Variants in KMT2A observed in about 807,000 individuals in gnomAD.
KMT2A encodes the protein histone-lysine N-methyltransferase 2A.
In KMT2A, 16 loss-of-function variants were observed where a neutral mutation model predicts 345.3. The ratio of observed to expected loss-of-function variants is 0.05; its 90% confidence interval spans 0.03 to 0.07. The LOEUF is 0.07. KMT2A is among the 10% of genes least tolerant of loss of function. The pLI is 1.00. For missense variants in KMT2A, 3,272 were observed against 4,841.6 expected, an observed-to-expected ratio of 0.68 and a Z score of 9.62; for synonymous variants, 1,599 against 1,778.6, an observed-to-expected ratio of 0.90 and a Z score of 2.54.
chr11:118,485,076 T>C, intron 10 of KMT2A, 101 bp downstream of exon 10: 1 of 755,714 alleles, frequency 1.3e-6, no homozygotes, highest in Non-Finnish European at 2.3e-6. Flanking sequence ...CAGGTACTAT[T>C]CCCTGTTTAA....
chr11:118,475,380 T>A (rs1045459917), intron 3 of KMT2A, among the ~76,000 whole-genome samples: 5 of 152,236 alleles, frequency 3.3e-5, no homozygotes, highest in Non-Finnish European at 7.3e-5. Context: ...GATGCCTATT[T>A]ATGGCAGCAA....
intron 1 of KMT2A, among the ~76,000 whole-genome samples, chr11:118,442,439 T>C (rs1555026085): frequency 1.3e-5 from 2 of 152,236 alleles, no homozygotes; most frequent in African/African-American, 4.8e-5. Context: ...CAGAGTTCAC[T>C]GTTACAAAGT....
At chr11:118,456,495 C>A (rs899561639) in intron 1 of KMT2A, among the ~76,000 whole-genome samples, 1 of 152,006 alleles carries the variant, frequency 6.6e-6, no homozygotes, top group East Asian at 1.9e-4. Context: ...CCTGCCACCA[C>A]GCCCAGCTAA....
At chr11:118,464,114 T>A (rs1170964956) in intron 1 of KMT2A, among the ~76,000 whole-genome samples, 1 of 152,222 alleles carries the variant, frequency 6.6e-6, no homozygotes, top group Non-Finnish European at 1.5e-5. Flanking sequence ...AGTAGCAGAC[T>A]GTCCAGTTTG....
chr11:118,521,749 G>A lies in KMT2A; in HGVS notation c.11644-148G>A, dbSNP rs1950975316. 9 of 819,480 alleles carry A rather than the reference G, an allele frequency of 1.1e-5. No homozygotes were observed. The highest frequency in any genetic ancestry group is 3.5e-5 in the African/African-American group (2 of 57,928). 50.8% of individuals were successfully genotyped at this position (819,480 alleles called of 1,614,324 possible). ...TAGGAAATCCTCGTGGAAGCATCTT[G>A]AAAGATAGTACTGGGAGAAATCTGG... On this transcript the variant is annotated intron_variant, in intron 35 of 35. Transcript: ENST00000534358. The surrounding 1 kb of genome is among the most constrained non-coding windows in gnomAD (Gnocchi z 5.3).
Position 118,522,210 on chromosome 11 carries a change from C to G in KMT2A, c.*38C>G. On this transcript the variant is annotated 3_prime_UTR_variant, in exon 36 of 36. Coordinates refer to ENST00000534358, the MANE Select transcript of KMT2A (RefSeq NM_001197104.2). This position sits in a 1 kb window ranked among gnomAD's most constrained non-coding sequence, Gnocchi z 5.4. ...CCCCCAGTGTTGGAGTGCAAGGAGG[C>G]GGGGCCATCCAAAGCAACGCTGAAG... 1.9e-6 allele frequency: 3 copies of G among 1,602,062 alleles called. No homozygotes were observed. Among genetic ancestry groups the G allele is most frequent in the Non-Finnish European group, 2.6e-6 (3 of 1,171,460 alleles).
intron 4 of KMT2A, among the ~76,000 whole-genome samples, chr11:118,477,482 A>C (rs1950057711): frequency 7.1e-6 from 1 of 141,796 alleles, no homozygotes. Flanking sequence ...GCTTTCATCA[A>C]GATGCAAGTT....
At position 118,494,678 on chromosome 11, in the gene KMT2A, TTG is replaced by T. The variant is rs1555043440; in HGVS notation, c.5290-12_5290-11del. ...GAGTGTTTACATATTTACATTTTGTTTGTGTTTTCTTTTAGCAAATGGAACGT... is the reference window on the plus strand; with the variant it reads ...GAGTGTTTACATATTTACATTTTGTTTGTTTTCTTTTAGCAAATGGAACGT... On this transcript the variant is annotated splice_polypyrimidine_tract_variant and intron_variant, in intron 17 of 35. Coordinates refer to ENST00000534358, the MANE Select transcript of KMT2A (RefSeq NM_001197104.2). The surrounding 1 kb of genome is among the most constrained non-coding windows in gnomAD (Gnocchi z 5.8). 1 of 1,610,760 alleles carries T rather than the reference TTG, an allele frequency of 6.2e-7. No individual in the cohort carries two copies. Among genetic ancestry groups the T allele is most frequent in the Non-Finnish European group, 8.5e-7 (1 of 1,177,418 alleles).
intron 1 of KMT2A, among the ~76,000 whole-genome samples, chr11:118,468,246 G>A (rs1194924242): frequency 6.6e-6 from 1 of 152,118 alleles, no homozygotes; most frequent in Non-Finnish European, 1.5e-5. Context: ...GATCTCAAAT[G>A]TACAGAAATC....
chr11:118,452,932 G>A (rs1949570470), intron 1 of KMT2A, among the ~76,000 whole-genome samples: 2 of 152,064 alleles, frequency 1.3e-5, no homozygotes, highest in Non-Finnish European at 2.9e-5. Flanking sequence ...GTGCCTGGCG[G>A]AAGTGCCCCC....
rs1950673028 is a variant in KMT2A at position 118,510,846 on chromosome 11, TAGA to T, written c.11071+732_11071+734del. Reference sequence around the variant, plus strand: ...GTTATCAAAAACCCATGAAGATAAATAGAAGATTCTATTAAAGGAGAAAATGGA... The same window carrying T: ...GTTATCAAAAACCCATGAAGATAAATAGATTCTATTAAAGGAGAAAATGGA... On this transcript the variant is annotated intron_variant, in intron 30 of 35. Transcript: ENST00000534358. The surrounding 1 kb of genome is among the most constrained non-coding windows in gnomAD (Gnocchi z 4.1). Among the ~76,000 whole-genome samples the T allele has an allele frequency of 6.6e-6, 1 of 152,086 alleles. No homozygotes were observed. The highest frequency in any genetic ancestry group is 6.5e-5 in the Admixed American group (1 of 15,272).
chr11:118,456,583 C>G (rs1949648520), intron 1 of KMT2A, among the ~76,000 whole-genome samples: 1 of 152,070 alleles, frequency 6.6e-6, no homozygotes, highest in East Asian at 1.9e-4. Flanking sequence ...CATGATTCGC[C>G]CACCTTGGCC....
At chr11:118,479,415 C>A (rs193076362) in intron 5 of KMT2A, among the ~76,000 whole-genome samples, 34 of 152,202 alleles carry the variant, frequency 2.2e-4, no homozygotes, top group African/African-American at 8.2e-4. Context: ...TAATAGGTGT[C>A]AATAGATATT....
Position 118,525,054 on chromosome 11 carries a change from A to G in KMT2A, c.*2882A>G, listed in dbSNP as rs1044819259. The stretch of plus-strand genomic sequence containing the variant: ...TTGCCAAATTTTCAGCACACCTGCC[A>G]GCAACTTGGGGGAATAAGCGAAGGT... On this transcript the variant is annotated 3_prime_UTR_variant, in exon 36 of 36. Transcript: ENST00000534358. 3.3e-5 allele frequency: 7 copies of G among 215,062 alleles called. No individual in the cohort carries two copies. The highest frequency in any genetic ancestry group is 5.6e-5 in the Non-Finnish European group (6 of 106,300). The allele number at this position is 215,062 out of a possible 1,614,324, so 13.3% of individuals were successfully genotyped here.
At chr11:118,477,547 G>A (rs1950061485) in intron 4 of KMT2A, among the ~76,000 whole-genome samples, 1 of 96,024 alleles carries the variant, frequency 1.0e-5, no homozygotes, top group Non-Finnish European at 1.8e-5. Context: ...TCATTGTGTT[G>A]CCCAAGCTGG....
intron 31 of KMT2A, among the ~76,000 whole-genome samples, chr11:118,519,145 G>A (rs1950900727): frequency 6.9e-6 from 1 of 144,986 alleles, no homozygotes; most frequent in African/African-American, 2.5e-5. Flanking sequence ...TAAGCTTATA[G>A]AACCTAGATA....
rs1173121318 is a variant in KMT2A at position 118,524,752 on chromosome 11, TA to T, written c.*2582del. The T allele has an allele frequency of 1.1e-5, 2 of 180,392 alleles. No homozygotes were observed. Among genetic ancestry groups the T allele is most frequent in the African/African-American group, 2.4e-5 (1 of 42,226 alleles). The allele number at this position is 180,392 out of a possible 1,614,324, so 11.2% of individuals were successfully genotyped here. ...AAGCTGCATTTGTTACTGAAATGAT[TA>T]ATGCACTGATGGGTCCTGAATTCAC... On this transcript the variant is annotated 3_prime_UTR_variant, in exon 36 of 36. Coordinates refer to ENST00000534358, the MANE Select transcript of KMT2A (RefSeq NM_001197104.2).
At chr11:118,512,539 A>G (rs1950711773) in intron 31 of KMT2A, among the ~76,000 whole-genome samples, 1 of 152,218 alleles carries the variant, frequency 6.6e-6, no homozygotes, top group Admixed American at 6.5e-5. Context: ...TCCATTCATT[A>G]GTCAGTGGAC....
At position 118,493,362 on chromosome 11, in the gene KMT2A, GA is replaced by G; in HGVS notation, c.5178+133del. 1 of 611,026 alleles carries G rather than the reference GA, an allele frequency of 1.6e-6. No homozygotes were observed. The highest frequency in any genetic ancestry group is 2.7e-6 in the Non-Finnish European group (1 of 376,940). 37.9% of individuals were successfully genotyped at this position (611,026 alleles called of 1,614,324 possible). On this transcript the variant is annotated intron_variant, in intron 16 of 35. Transcript: ENST00000534358. This position sits in a 1 kb window ranked among gnomAD's most constrained non-coding sequence, Gnocchi z 5.8. Reference sequence around the variant, plus strand: ...TATTTAGAAATGTCACGTGGCTTTAGATACCTAAAAATGTATGAGTTATTTT... The same window carrying G: ...TATTTAGAAATGTCACGTGGCTTTAGTACCTAAAAATGTATGAGTTATTTT...
Sources: allele counts gnomAD v4.1 joint callset (sites outside exome capture counted in the v4.1 genomes callset), GRCh38; gene constraint gnomAD v4.1.1; non-coding constraint Gnocchi (gnomAD v3.1); transcripts MANE v1.5; gene names NCBI Gene and HGNC (gene_info 2026-07-23, HGNC 2026-07-21).